The following THSD7B variants were observed in gnomAD, a reference collection of about 807,000 sequenced individuals.
The protein encoded by THSD7B is thrombospondin type-1 domain-containing protein 7B.
Under a neutral mutation model 213.6 loss-of-function variants are expected in THSD7B, and 138 were observed. The ratio of observed to expected loss-of-function variants is 0.65; its 90% CI spans 0.56 to 0.74. THSD7B has a LOEUF of 0.74. THSD7B is among the 30% of genes least tolerant of loss of function. The pLI, the probability that THSD7B is intolerant of heterozygous loss-of-function variation, is 0.00. For synonymous variants in THSD7B, 742 were observed against 687.0 expected (o/e 1.08, Z -1.25); for missense variants, 1,931 against 1,991.5 (o/e 0.97, Z 0.58).
intron 2 of THSD7B, among the ~76,000 whole-genome samples, chr2:137,056,060 G>C (rs907251475): frequency 6.6e-6 from 1 of 152,190 alleles, no homozygotes; most frequent in Non-Finnish European, 1.5e-5. Flanking sequence ...TTGGAACGTA[G>C]TAGTTATAAT....
intron 4 of THSD7B, among the ~76,000 whole-genome samples, chr2:137,114,171 T>C (rs1009459821): frequency 2.0e-5 from 3 of 152,212 alleles, no homozygotes; most frequent in African/African-American, 7.2e-5. Context: ...ACAAAACTGA[T>C]AAATTTTTCT....
intron 20 of THSD7B, among the ~76,000 whole-genome samples, chr2:137,638,461 C>T (rs764586098): frequency 7.2e-5 from 11 of 152,118 alleles, no homozygotes; most frequent in Non-Finnish European, 1.6e-4. Context: ...ACTGTAAGTC[C>T]AATTAAACCT....
chr2:137,294,360 A>G (rs946769604), intron 12 of THSD7B, among the ~76,000 whole-genome samples: 2 of 152,004 alleles, frequency 1.3e-5, no homozygotes, highest in African/African-American at 2.4e-5. Flanking sequence ...AGGCAGGTGG[A>G]TCACCTGAGG....
At chr2:137,216,481 C>T (rs190199434) in intron 7 of THSD7B, among the ~76,000 whole-genome samples, 1 of 152,026 alleles carries the variant, frequency 6.6e-6, no homozygotes, top group Non-Finnish European at 1.5e-5. Context: ...ATTTTAGGTA[C>T]ACTGATGAAT....
At chr2:137,646,740 A>C (rs926302124) in intron 21 of THSD7B, among the ~76,000 whole-genome samples, 1 of 151,562 alleles carries the variant, frequency 6.6e-6, no homozygotes, top group Non-Finnish European at 1.5e-5. Context: ...ATGAGCAATA[A>C]ATTTCCATTG....
At chr2:137,354,682 A>G (rs1685088776) in intron 12 of THSD7B, among the ~76,000 whole-genome samples, 1 of 152,106 alleles carries the variant, frequency 6.6e-6, no homozygotes, top group Non-Finnish European at 1.5e-5. Context: ...ATTTATGGTT[A>G]TGTATTATGA....
chr2:137,125,285 G>A (rs528636975), intron 5 of THSD7B, among the ~76,000 whole-genome samples: 1 of 152,278 alleles, frequency 6.6e-6, no homozygotes, highest in South Asian at 2.1e-4. Flanking sequence ...CAAAATTGGA[G>A]TCAATCCTCT....
At chr2:137,287,012 A>G (rs1368914847) in intron 12 of THSD7B, among the ~76,000 whole-genome samples, 2 of 152,186 alleles carry the variant, frequency 1.3e-5, no homozygotes, top group Non-Finnish European at 2.9e-5. Flanking sequence ...CGCTATTTTT[A>G]ATAACTTTTG....
intron 17 of THSD7B, among the ~76,000 whole-genome samples, chr2:137,614,559 T>C (rs1682348245): frequency 6.6e-6 from 1 of 152,158 alleles, no homozygotes; most frequent in African/African-American, 2.4e-5. Context: ...TCATTTGTTA[T>C]TATTCTGCCA....
At chr2:136,803,568 A>G (rs1682228146) in intron 1 of THSD7B, among the ~76,000 whole-genome samples, 2 of 152,218 alleles carry the variant, frequency 1.3e-5, no homozygotes, top group South Asian at 4.1e-4. Flanking sequence ...GAATTTTTAA[A>G]TTAGATTATA....
At chr2:137,345,352 A>G (rs1481135581) in intron 12 of THSD7B, among the ~76,000 whole-genome samples, 1 of 151,676 alleles carries the variant, frequency 6.6e-6, no homozygotes, top group East Asian at 1.9e-4. Context: ...ATTGCATAGT[A>G]CCTTCAGAGA....
At chr2:137,104,445 GAC>G (rs1558922127) in intron 4 of THSD7B, among the ~76,000 whole-genome samples, 1 of 152,064 alleles carries the variant, frequency 6.6e-6, no homozygotes, top group Non-Finnish European at 1.5e-5. Flanking sequence ...ATCTAAAACC[GAC>G]ACCATAAGTG....
At chr2:137,469,073 G>A (rs1432750377) in intron 15 of THSD7B, among the ~76,000 whole-genome samples, 1 of 152,130 alleles carries the variant, frequency 6.6e-6, no homozygotes, top group Admixed American at 6.6e-5. Context: ...AATAATTTAT[G>A]AAAATAGAAC....
At chr2:137,092,818 A>T (rs111281859) in intron 3 of THSD7B, among the ~76,000 whole-genome samples, 2,905 of 152,200 alleles carry the variant, frequency 0.019, 44 homozygotes, top group Non-Finnish European at 0.026. Context: ...TTGTATTTTT[A>T]GTAGAGACAA....
At chr2:137,220,477 C>T (rs1558963334) in intron 7 of THSD7B, among the ~76,000 whole-genome samples, 2 of 152,158 alleles carry the variant, frequency 1.3e-5, no homozygotes, top group Non-Finnish European at 2.9e-5. Context: ...AGTTTAATAA[C>T]ACTACCCACC....
At chr2:137,346,546 G>A (rs918588364) in intron 12 of THSD7B, among the ~76,000 whole-genome samples, 1 of 150,976 alleles carries the variant, frequency 6.6e-6, no homozygotes, top group Non-Finnish European at 1.5e-5. Context: ...TCCCTAAGTA[G>A]CATTGACTCT....
intron 12 of THSD7B, among the ~76,000 whole-genome samples, chr2:137,381,620 C>A (rs1685778257): frequency 6.6e-6 from 1 of 152,138 alleles, no homozygotes; most frequent in Non-Finnish European, 1.5e-5. Flanking sequence ...CGGGGGCCTC[C>A]CCAGTGAGAG....
intron 2 of THSD7B, among the ~76,000 whole-genome samples, chr2:137,052,145 C>T (rs1687081000): frequency 6.6e-6 from 1 of 152,156 alleles, no homozygotes; most frequent in Non-Finnish European, 1.5e-5. Flanking sequence ...CCAAAGAATT[C>T]ACTTCTAGGC....
intron 21 of THSD7B, among the ~76,000 whole-genome samples, chr2:137,644,600 T>C (rs1022870798): frequency 2.0e-5 from 3 of 152,244 alleles, no homozygotes; most frequent in Non-Finnish European, 4.4e-5. Context: ...CTTTGTGAGA[T>C]AGGTAACACC....
Sources: allele counts gnomAD v4.1 joint callset (sites outside exome capture counted in the v4.1 genomes callset), GRCh38; gene constraint gnomAD v4.1.1; transcripts MANE v1.5; gene names NCBI Gene and HGNC (gene_info 2026-07-23, HGNC 2026-07-21).